Variants in RYR2 observed in about 807,000 individuals in gnomAD.
The protein encoded by RYR2 is cardiac muscle ryanodine receptor-calcium release channel.
A neutral mutation model predicts 601.1 loss-of-function variants in RYR2; 227 were observed. The observed-to-expected ratio is 0.38, with a 90% CI of 0.34 to 0.42. The LOEUF is 0.42. Among genes scored for constraint, RYR2 ranks in the 10% least tolerant of loss-of-function variants. The pLI is 1.00. For missense variants in RYR2, 4,646 were observed against 6,156.5 expected (o/e 0.75, Z 8.21); for synonymous variants, 2,223 against 2,175.1 (o/e 1.02, Z -0.61).
At chr1:237,303,653 A>G (rs1045903971) in intron 2 of RYR2, among the ~76,000 whole-genome samples, 9 of 151,970 alleles carry the variant, frequency 5.9e-5, no homozygotes, top group Admixed American at 5.9e-4. Flanking sequence ...ACTACCTGAA[A>G]ACCTTGTGAA....
chr1:237,580,449 G>T (rs142144236), intron 29 of RYR2, among the ~76,000 whole-genome samples: 101 of 142,148 alleles, frequency 7.1e-4, no homozygotes, highest in Non-Finnish European at 1.2e-3. Flanking sequence ...GAGCCACTGC[G>T]CCAGGCCCCA....
chr1:237,345,327 A>G (rs542373943), intron 3 of RYR2, among the ~76,000 whole-genome samples: 1 of 152,218 alleles, frequency 6.6e-6, no homozygotes, highest in East Asian at 1.9e-4. Flanking sequence ...TTTTCATAGT[A>G]TATAGATCTA....
chr1:237,794,058 G>A (rs1658790958), intron 95 of RYR2, 61 bp downstream of exon 95: 2 of 1,448,744 alleles, frequency 1.4e-6, no homozygotes, highest in East Asian at 4.6e-5. Context: ...AAAATATTTG[G>A]TTGGAGTTCC....
chr1:237,794,045 A>G lies in RYR2; in HGVS notation c.13913+48A>G, dbSNP rs1658789261. 7 of 1,538,460 alleles carry G rather than the reference A, an allele frequency of 4.5e-6. No individual in the cohort carries two copies. In the Admixed American group the frequency reaches 7.1e-5, roughly 16 times the overall value. On this transcript the variant is annotated intron_variant, in intron 95 of 104. Transcript: ENST00000366574. ...CTTTCTGCACTCAAAAATTTCAGACATGAAAATATTTGGTTGGAGTTCCTG... is the reference window on the plus strand; with the variant it reads ...CTTTCTGCACTCAAAAATTTCAGACGTGAAAATATTTGGTTGGAGTTCCTG...
chr1:237,097,009 C>T (rs1010678789), intron 1 of RYR2, among the ~76,000 whole-genome samples: 1 of 152,154 alleles, frequency 6.6e-6, no homozygotes, highest in Non-Finnish European at 1.5e-5. Context: ...TTTAGTCTTG[C>T]CTGTTTTTTC....
intron 1 of RYR2, among the ~76,000 whole-genome samples, chr1:237,090,971 TAAATG>T (rs1345378581): frequency 2.6e-5 from 4 of 152,224 alleles, no homozygotes; most frequent in Non-Finnish European, 5.9e-5. Context: ...TTAAACCAGT[TAAATG>T]AAAATTATGT....
intron 96 of RYR2, among the ~76,000 whole-genome samples, chr1:237,795,549 C>T (rs982794917): frequency 6.6e-6 from 1 of 151,788 alleles, no homozygotes. Context: ...CTGCCCAGTT[C>T]AAGCAATTCT....
At chr1:237,687,363 CTTCTTTTTTT>C (rs1686498641) in intron 62 of RYR2, 82 bp from the exon 63 acceptor site, 3 of 452,834 alleles carry the variant, frequency 6.6e-6, no homozygotes, top group Non-Finnish European at 1.1e-5. Context: ...CTTTTTTCTT[CTTCTTTTTTT>C]TTTTTTTTTT....
At chr1:237,176,565 T>A (rs1372713663) in intron 1 of RYR2, among the ~76,000 whole-genome samples, 1 of 151,614 alleles carries the variant, frequency 6.6e-6, no homozygotes, top group South Asian at 2.1e-4. Flanking sequence ...GTTTTATTTA[T>A]TTATTTATTT....
chr1:237,763,039 TATTTAATTTCCATC>T (rs1309212039), intron 84 of RYR2, among the ~76,000 whole-genome samples: 1 of 152,244 alleles, frequency 6.6e-6, no homozygotes, highest in Non-Finnish European at 1.5e-5. Context: ...ACAAGTAGAT[TATTTAATTTCCATC>T]ATTATGCATC....
chr1:237,473,419 A>ATCTCTC (rs375072151), intron 17 of RYR2, among the ~76,000 whole-genome samples: 1 of 124,446 alleles, frequency 8.0e-6, no homozygotes, highest in Non-Finnish European at 1.7e-5. Flanking sequence ...ACGAGACTCC[A>ATCTCTC]TCTCTCTCTC....
At chr1:237,391,744 G>A (rs773467387) in intron 10 of RYR2, among the ~76,000 whole-genome samples, 6 of 152,064 alleles carry the variant, frequency 3.9e-5, no homozygotes, top group Non-Finnish European at 7.4e-5. Flanking sequence ...ATTTAGATAT[G>A]TATGTGTATG....
At chr1:237,531,679 T>C (rs1211245496) in intron 25 of RYR2, among the ~76,000 whole-genome samples, 2 of 152,204 alleles carry the variant, frequency 1.3e-5, no homozygotes, top group East Asian at 3.9e-4. Flanking sequence ...ACTCAGGTGC[T>C]CCATAAGTGA....
intron 1 of RYR2, among the ~76,000 whole-genome samples, chr1:237,147,772 C>CAACACT (rs1674182169): frequency 6.6e-6 from 1 of 152,222 alleles, no homozygotes; most frequent in Admixed American, 6.5e-5. Flanking sequence ...TGCGATCCCG[C>CAACACT]AACACTGTGG....
chr1:237,274,441 G>A (rs1327592778), intron 2 of RYR2, among the ~76,000 whole-genome samples: 1 of 151,922 alleles, frequency 6.6e-6, no homozygotes, highest in Non-Finnish European at 1.5e-5. Context: ...GGAAAGAGGT[G>A]TCTAGAACAA....
intron 92 of RYR2, among the ~76,000 whole-genome samples, chr1:237,790,369 T>C (rs1658227269): frequency 6.6e-6 from 1 of 152,100 alleles, no homozygotes; most frequent in African/African-American, 2.4e-5. Flanking sequence ...TACCATTAAG[T>C]CCAATCCACC....
At chr1:237,275,628 A>T (rs773286249) in intron 2 of RYR2, among the ~76,000 whole-genome samples, 10 of 152,192 alleles carry the variant, frequency 6.6e-5, no homozygotes, top group Non-Finnish European at 1.3e-4. Flanking sequence ...ACCAATAATA[A>T]GAGACGTAAC....
At chr1:237,742,212 G>A in intron 79 of RYR2, 84 bp from the exon 80 acceptor site, 3 of 821,444 alleles carry the variant, frequency 3.7e-6, no homozygotes, top group Non-Finnish European at 5.8e-6. Flanking sequence ...CAAATGATTT[G>A]CTCTTCTATG....
chr1:237,484,735 C>T (rs1662492087), intron 17 of RYR2, among the ~76,000 whole-genome samples: 2 of 152,176 alleles, frequency 1.3e-5, no homozygotes, highest in Admixed American at 1.3e-4. Context: ...GAAGTTCCTA[C>T]AGATTTGTAA....
Sources: gnomAD v4.1 joint callset for allele counts (sites outside exome capture counted in the v4.1 genomes callset) on GRCh38, gnomAD v4.1.1 for gene constraint, MANE v1.5 for transcripts, NCBI Gene and HGNC (gene_info 2026-07-23, HGNC 2026-07-21) for gene names.